Variants in PTPN12 observed in about 807,000 individuals in gnomAD.
PTPN12 encodes the protein tyrosine-protein phosphatase non-receptor type 12.
In PTPN12, 29 loss-of-function variants were observed where a neutral mutation model predicts 97.6. The ratio of observed to expected loss-of-function variants is 0.30; its 90% confidence interval spans 0.22 to 0.41. PTPN12 has a LOEUF of 0.41. PTPN12 is among the 10% of genes least tolerant of loss of function. PTPN12 has a pLI of 1.00. For synonymous variants in PTPN12, 327 were observed against 300.4 expected (o/e 1.09, Z -0.91); for missense variants, 819 against 926.0 (o/e 0.88, Z 1.50).
rs2151384194 is a variant in PTPN12 at position 77,618,458 on chromosome 7, GAAGTA to G, written c.940-21_940-17del. The G allele has an allele frequency of 6.8e-7, 1 of 1,460,332 alleles. No individual in the cohort carries two copies. Among genetic ancestry groups the G allele is most frequent in the East Asian group, 2.3e-5 (1 of 43,062 alleles). The allele number at this position is 1,460,332 out of a possible 1,614,324, so 90.5% of individuals were successfully genotyped here. On this transcript the variant is annotated splice_polypyrimidine_tract_variant and intron_variant, in intron 11 of 17. Transcript: ENST00000248594. Reference sequence around the variant, plus strand: ...AAATTATTTTTCTCTTAACCTTAGTGAAGTATTTTTTCCCTTGGCAGAATGAAATT... The same window carrying G: ...AAATTATTTTTCTCTTAACCTTAGTGTTTTTTCCCTTGGCAGAATGAAATT...
At chr7:77,569,440 AAGAG>A (rs1205861123) in intron 1 of PTPN12, among the ~76,000 whole-genome samples, 2 of 152,128 alleles carry the variant, frequency 1.3e-5, no homozygotes, top group African/African-American at 4.8e-5. Context: ...GTTTTGTATT[AAGAG>A]GTTTCTTTGA....
chr7:77,582,466 G>T (rs773363705), intron 3 of PTPN12, among the ~76,000 whole-genome samples: 6 of 151,568 alleles, frequency 4.0e-5, no homozygotes, highest in Non-Finnish European at 8.8e-5. Context: ...TCATGTTTTT[G>T]TTGATAAAAA....
intron 13 of PTPN12, among the ~76,000 whole-genome samples, chr7:77,629,201 G>A (rs570926931): frequency 9.9e-5 from 15 of 152,264 alleles, no homozygotes; most frequent in African/African-American, 3.1e-4. Flanking sequence ...CGCCCACCTC[G>A]GCCTCCCAAA....
chr7:77,625,826 T>A (rs1038798631), intron 12 of PTPN12, among the ~76,000 whole-genome samples: 19 of 151,766 alleles, frequency 1.3e-4, no homozygotes, highest in Non-Finnish European at 2.9e-5. Context: ...CACCTTGGCC[T>A]CCCAAAGTGC....
intron 1 of PTPN12, among the ~76,000 whole-genome samples, chr7:77,562,340 A>G (rs575948237): frequency 6.6e-6 from 1 of 152,300 alleles, no homozygotes; most frequent in Non-Finnish European, 1.5e-5. Context: ...GGAGTGAGCC[A>G]CTGCTTCCGG....
At chr7:77,592,887 AAAAG>A (rs1259283847) in intron 6 of PTPN12, among the ~76,000 whole-genome samples, 2 of 152,192 alleles carry the variant, frequency 1.3e-5, no homozygotes, top group Non-Finnish European at 2.9e-5. Flanking sequence ...GGCATGGACA[AAAAG>A]AAGGAAAATA....
At chr7:77,555,680 A>G (rs2151303904) in intron 1 of PTPN12, among the ~76,000 whole-genome samples, 2 of 152,204 alleles carry the variant, frequency 1.3e-5, no homozygotes, top group Admixed American at 1.3e-4. Flanking sequence ...TTTGGGAGGC[A>G]GAGGTGGGTG....
In PTPN12 at chr7:77,639,300, C is replaced by CT; in HGVS notation, c.*23dup. On this transcript the variant is annotated 3_prime_UTR_variant, in exon 18 of 18. Transcript: ENST00000248594. ...ACATGATTCAGGGAGCTAGAAGACA[C>CT]TTTAAGTTATACTGGAAAATTCAGG... 2 of 1,597,764 alleles carry CT rather than the reference C, an allele frequency of 1.3e-6. No homozygotes were observed. The highest frequency in any genetic ancestry group is 1.7e-6 in the Non-Finnish European group (2 of 1,167,788).
chr7:77,596,260 A>AT (rs1041020151), intron 6 of PTPN12, among the ~76,000 whole-genome samples: 8 of 151,646 alleles, frequency 5.3e-5, no homozygotes, highest in Admixed American at 2.0e-4. Context: ...TTTTTAATGA[A>AT]TTTTTTTTCT....
rs562388151 is a variant in PTPN12, at chr7:77,576,767, C to T, written c.209-4660C>T. Among the ~76,000 whole-genome samples, 3 of 152,324 alleles carry T rather than the reference C, an allele frequency of 2.0e-5. No homozygotes were observed. The South Asian group carries it at 6.2e-4, about 32-fold the overall frequency. Reference sequence around the variant, plus strand: ...GTTCTTTCTCGCTACTTCTAGTTCCCGGCGCTTTGCCGGGTGTTAATGGTG... The same window carrying T: ...GTTCTTTCTCGCTACTTCTAGTTCCTGGCGCTTTGCCGGGTGTTAATGGTG... On this transcript the variant is annotated intron_variant, in intron 2 of 17. Coordinates refer to ENST00000248594, the MANE Select transcript of PTPN12 (RefSeq NM_002835.4).
At chr7:77,565,462 T>G (rs548550722) in intron 1 of PTPN12, among the ~76,000 whole-genome samples, 36 of 152,298 alleles carry the variant, frequency 2.4e-4, no homozygotes, top group African/African-American at 8.2e-4. Context: ...ATGGTGGTGG[T>G]TTTTGGCTTG....
rs1197587638 is a variant in PTPN12 at position 77,573,092 on chromosome 7, AAAAACAAAAAAAC to A, written c.208+1911_208+1923del. ...AGTAAGACTCTATCTCAAAAAAAAA[AAAAACAAAAAAAC>A]AAAAAAAACCAGTGTACCTAGCACA... On this transcript the variant is annotated intron_variant, in intron 2 of 17. Transcript: ENST00000248594. Among the ~76,000 whole-genome samples, 10 of 105,958 alleles carry A rather than the reference AAAAACAAAAAAAC, an allele frequency of 9.4e-5. 2 individuals are homozygous for A. The South Asian group carries it at 1.4e-3, about 14-fold the overall frequency. 69.5% of individuals were successfully genotyped at this position (105,958 alleles called of 152,430 possible).
chr7:77,597,279 A>G (rs1788052040), intron 6 of PTPN12, among the ~76,000 whole-genome samples: 1 of 152,086 alleles, frequency 6.6e-6, no homozygotes, highest in Non-Finnish European at 1.5e-5. Flanking sequence ...GCGCGCCACC[A>G]CACACAGCTA....
At chr7:77,588,344 C>G (rs536692183) in intron 5 of PTPN12, among the ~76,000 whole-genome samples, 22 of 151,896 alleles carry the variant, frequency 1.4e-4, no homozygotes, top group Non-Finnish European at 2.1e-4. Context: ...ATAGGAAAGC[C>G]CAAGGAGAGG....
At chr7:77,612,061 T>A (rs932978762) in intron 11 of PTPN12, among the ~76,000 whole-genome samples, 9 of 152,006 alleles carry the variant, frequency 5.9e-5, no homozygotes, top group Non-Finnish European at 1.2e-4. Context: ...AAACCAAGTA[T>A]GAGAAAATAA....
intron 12 of PTPN12, among the ~76,000 whole-genome samples, chr7:77,622,070 C>G (rs1788959128): frequency 6.6e-6 from 1 of 152,150 alleles, no homozygotes; most frequent in South Asian, 2.1e-4. Flanking sequence ...ACCTCCCACC[C>G]TAGACTCCCA....
At chr7:77,604,931 G>C in intron 8 of PTPN12, 1 of 409,736 alleles carries the variant, frequency 2.4e-6, no homozygotes, top group Non-Finnish European at 5.0e-6. Flanking sequence ...AGAATTCACT[G>C]TTATGTAAGA....
At chr7:77,624,266 C>CAA (rs879470982) in intron 12 of PTPN12, among the ~76,000 whole-genome samples, 1 of 107,008 alleles carries the variant, frequency 9.3e-6, no homozygotes. Context: ...GACCCTGTCT[C>CAA]AAAAAAAAAA....
chr7:77,546,618 C>T (rs1392687248), intron 1 of PTPN12, among the ~76,000 whole-genome samples: 1 of 152,170 alleles, frequency 6.6e-6, no homozygotes, highest in East Asian at 1.9e-4. Context: ...AGTAGTTGCT[C>T]CCTAAAAGTT....
Sources: allele counts gnomAD v4.1 joint callset (sites outside exome capture counted in the v4.1 genomes callset), GRCh38; gene constraint gnomAD v4.1.1; transcripts MANE v1.5; gene names NCBI Gene and HGNC (gene_info 2026-07-23, HGNC 2026-07-21).